Variants in PTPRO observed in about 807,000 individuals in gnomAD.
PTPRO encodes the protein protein tyrosine phosphatase receptor type O.
Under a neutral mutation model 145.2 loss-of-function variants are expected in PTPRO, and 62 were observed. The ratio of observed to expected loss-of-function variants is 0.43; its 90% CI spans 0.35 to 0.53. PTPRO has a LOEUF of 0.53. Ranked by LOEUF, PTPRO falls within the 20% of genes least tolerant of loss-of-function variation. The pLI, the probability that PTPRO is intolerant of heterozygous loss-of-function variation, is 0.01. For synonymous variants in PTPRO, 565 were observed against 514.7 expected (o/e 1.10, Z -1.32); for missense variants, 1,345 against 1,482.7 (o/e 0.91, Z 1.53).
intron 1 of PTPRO, among the ~76,000 whole-genome samples, chr12:15,384,705 C>G (rs1340146409): frequency 2.0e-5 from 3 of 152,130 alleles, no homozygotes; most frequent in African/African-American, 7.2e-5. Context: ...ACAATTTAGT[C>G]CACAGCATTT....
chr12:15,546,440 A>G, intron 12 of PTPRO, 129 bp from the exon 13 acceptor site: 2 of 1,495,572 alleles, frequency 1.3e-6, no homozygotes, highest in South Asian at 2.7e-5. Context: ...TTCAAAGGCA[A>G]TATAAAGTCT....
rs149252943 is a variant in PTPRO at position 15,467,239 on chromosome 12, C to T, written c.76-16735C>T. Among the ~76,000 whole-genome samples the T allele has an allele frequency of 4.7e-4, 72 of 152,252 alleles. 2 individuals carry two copies. In the East Asian group the frequency reaches 0.014, roughly 29 times the overall value. On this transcript the variant is annotated intron_variant, in intron 1 of 26. Coordinates refer to ENST00000281171, the MANE Select transcript of PTPRO (RefSeq NM_030667.3). ...TTCCAAATATTAGGTCCAAACCTCT[C>T]TTCTGAATTCTGGATCCGTGTATCC...
At chr12:15,577,151 A>G (rs1273493689) in intron 19 of PTPRO, among the ~76,000 whole-genome samples, 1 of 152,248 alleles carries the variant, frequency 6.6e-6, no homozygotes, top group Admixed American at 6.5e-5. Context: ...CAATTTTGTG[A>G]GTTGAAAATC....
intron 1 of PTPRO, among the ~76,000 whole-genome samples, chr12:15,370,750 T>C (rs1272023165): frequency 1.3e-5 from 2 of 152,188 alleles, no homozygotes; most frequent in Non-Finnish European, 1.5e-5. Flanking sequence ...ATATATTTAA[T>C]CTAATAATTC....
At chr12:15,554,222 T>A (rs904411910) in intron 15 of PTPRO, among the ~76,000 whole-genome samples, 4 of 152,076 alleles carry the variant, frequency 2.6e-5, no homozygotes, top group African/African-American at 7.2e-5. Context: ...ACTCCTGGGT[T>A]TTTGGCCCAA....
At chr12:15,528,492 A>T (rs1217037841) in intron 12 of PTPRO, among the ~76,000 whole-genome samples, 14 of 150,264 alleles carry the variant, frequency 9.3e-5, no homozygotes, top group South Asian at 2.1e-4. Context: ...ACCACTGCAC[A>T]CCAGCCTGGG....
At chr12:15,449,361 A>G (rs899332726) in intron 1 of PTPRO, among the ~76,000 whole-genome samples, 8 of 152,192 alleles carry the variant, frequency 5.3e-5, no homozygotes, top group African/African-American at 1.9e-4. Context: ...ATCCACATGG[A>G]CTCATATATA....
intron 1 of PTPRO, among the ~76,000 whole-genome samples, chr12:15,368,720 G>A (rs1241958887): frequency 6.6e-6 from 1 of 152,070 alleles, no homozygotes; most frequent in Non-Finnish European, 1.5e-5. Context: ...CATCATATTT[G>A]TTTCTTTTAA....
At chr12:15,481,747 C>T (rs1009040219) in intron 1 of PTPRO, among the ~76,000 whole-genome samples, 1 of 152,026 alleles carries the variant, frequency 6.6e-6, no homozygotes, top group African/African-American at 2.4e-5. Context: ...TTTATAAGTA[C>T]TAGGGCCTGT....
chr12:15,550,153 G>C (rs191205009), intron 14 of PTPRO, among the ~76,000 whole-genome samples: 2 of 152,276 alleles, frequency 1.3e-5, no homozygotes, highest in Admixed American at 6.5e-5. Flanking sequence ...CTGTTGACCT[G>C]AAGTCTTACC....
chr12:15,392,720 C>CAA (rs1177789187), intron 1 of PTPRO, among the ~76,000 whole-genome samples: 116 of 66,524 alleles, frequency 1.7e-3, no homozygotes, highest in Middle Eastern at 7.2e-3. Context: ...GACCCTGTCT[C>CAA]AAAAAAAAAA....
intron 2 of PTPRO, among the ~76,000 whole-genome samples, chr12:15,495,206 T>C (rs1340265623): frequency 6.6e-6 from 1 of 151,812 alleles, no homozygotes; most frequent in East Asian, 1.9e-4. Context: ...GATCATAAAA[T>C]ATACTGGAGT....
rs142905662 is a variant in PTPRO at position 15,467,584 on chromosome 12, C to A, written c.76-16390C>A. 3.2e-4 allele frequency among the ~76,000 whole-genome samples: 49 copies of A among 152,250 alleles called. No homozygotes were observed. In the East Asian group the frequency reaches 9.1e-3, roughly 28 times the overall value. On this transcript the variant is annotated intron_variant, in intron 1 of 26. Coordinates refer to ENST00000281171, the MANE Select transcript of PTPRO (RefSeq NM_030667.3). ...CTCTCCTAACTAATGCAGTCATATC[C>A]ACTGCTGCCTATACTCACCAACCAG...
chr12:15,467,022 T>G (rs1470820265), intron 1 of PTPRO, among the ~76,000 whole-genome samples: 1 of 152,186 alleles, frequency 6.6e-6, no homozygotes, highest in African/African-American at 2.4e-5. Flanking sequence ...ACTTAATCTT[T>G]CAGAGGCTCG....
chr12:15,513,963 T>C (rs181389225), intron 7 of PTPRO, among the ~76,000 whole-genome samples: 28 of 152,276 alleles, frequency 1.8e-4, no homozygotes, highest in African/African-American at 6.7e-4. Flanking sequence ...AAAAAAAGAA[T>C]GTGTGTTCTT....
At chr12:15,439,665 G>T in intron 1 of PTPRO, 1 of 425,678 alleles carries the variant, frequency 2.3e-6, no homozygotes. Flanking sequence ...TGGGGCTGAG[G>T]CCACGGAGCT....
At chr12:15,333,982 A>C (rs1175100231) in intron 1 of PTPRO, among the ~76,000 whole-genome samples, 1 of 152,196 alleles carries the variant, frequency 6.6e-6, no homozygotes, top group Non-Finnish European at 1.5e-5. Context: ...AAGTTTTTAA[A>C]ATGTAAAACT....
At chr12:15,559,047 T>C (rs543353999) in intron 16 of PTPRO, among the ~76,000 whole-genome samples, 1 of 152,310 alleles carries the variant, frequency 6.6e-6, no homozygotes, top group South Asian at 2.1e-4. Context: ...TCATGCCTGG[T>C]TCACCCTTGG....
At chr12:15,374,680 G>A (rs1240897815) in intron 1 of PTPRO, among the ~76,000 whole-genome samples, 1 of 152,170 alleles carries the variant, frequency 6.6e-6, no homozygotes, top group Admixed American at 6.5e-5. Flanking sequence ...AGCCCTATCT[G>A]CAGGGCATTG....
Sources: allele counts gnomAD v4.1 joint callset (sites outside exome capture counted in the v4.1 genomes callset), GRCh38; gene constraint gnomAD v4.1.1; transcripts MANE v1.5; gene names NCBI Gene and HGNC (gene_info 2026-07-23, HGNC 2026-07-21).